Variants in TNNT1 observed in about 807,000 individuals in gnomAD.
TNNT1 encodes the protein troponin T1, slow skeletal type, also known as troponin T, slow skeletal muscle.
TNNT1 carries 53 observed loss-of-function variants against 50.6 expected under a neutral mutation model. The observed-to-expected ratio is 1.05, with a 90% CI of 0.84 to 1.32. The LOEUF (loss-of-function observed/expected upper bound fraction) is 1.32. Among genes scored for constraint, TNNT1 ranks in the 40% most tolerant of loss-of-function variants. The pLI, the probability that TNNT1 is intolerant of heterozygous loss-of-function variation, is 0.00. For synonymous variants in TNNT1, 142 were observed against 138.0 expected (o/e 1.03, Z -0.20); for missense variants, 348 against 381.7 (o/e 0.91, Z 0.74).
At chr19:55,147,097 GC>G (rs1240450202) in intron 2 of TNNT1, 28 bp downstream of exon 2, 2 of 1,613,628 alleles carry the variant, frequency 1.2e-6, no homozygotes, top group Non-Finnish European at 8.5e-7. Context: ...ACCACTGCAC[GC>G]CCCAACCCCT....
Position 55,132,904 on chromosome 19 carries a change from G to T in TNNT1, c.*11C>A. ...CAGGCTTCCCAGGTGCCACTGTCCG[G>T]GGCGGCATCCTCACTTCCAGCGGCC... is the stretch of plus-strand genomic sequence containing the variant. On this transcript the variant is annotated 3_prime_UTR_variant, in exon 14 of 14. Coordinates refer to ENST00000588981, the MANE Select transcript of TNNT1 (RefSeq NM_003283.6). 1 of 1,599,484 alleles carries T rather than the reference G, an allele frequency of 6.3e-7. No individual in the cohort carries two copies. The highest frequency in any genetic ancestry group is 2.3e-5 in the East Asian group (1 of 44,444).
At chr19:55,134,239 AGAGGTTGTGG>A (rs1234607425) in intron 11 of TNNT1, 35 bp from the exon 12 acceptor site, 11 of 1,549,896 alleles carry the variant, frequency 7.1e-6, no homozygotes, top group Non-Finnish European at 9.6e-6. Flanking sequence ...TTGGGCCCAG[AGAGGTTGTGG>A]GAACCACCCA....
chr19:55,148,619 C>G (rs2085623906), intron 1 of TNNT1, among the ~76,000 whole-genome samples: 1 of 152,090 alleles, frequency 6.6e-6, no homozygotes, highest in Non-Finnish European at 1.5e-5. Flanking sequence ...CTCCTAAAAT[C>G]TGAAACCTCA....
In TNNT1 at chr19:55,146,696, C is replaced by T; in HGVS notation, c.58G>A (p.Glu20Lys). 6.7e-7 allele frequency: 1 copy of T among 1,502,044 alleles called. No homozygotes were observed. The highest frequency in any genetic ancestry group is 8.9e-7 in the Non-Finnish European group (1 of 1,123,056). 93.0% of individuals were successfully genotyped at this position (1,502,044 alleles called of 1,614,324 possible). A position where few individuals can be genotyped will look rare whatever the true frequency, so the allele number is the denominator to read the frequency against. ...EEEQPEEEAA[E>K]EEEEAPEEPE... ...GGGACCTCACCTTCCTCCTCCTCCT[C>T]CGCAGCCTCCTCTGGAGATGGGGGC... Residue 20 changes from glutamate (E) to lysine (K), a missense_variant, in exon 4 of 14, where the codon GAG becomes AAG. By Grantham distance (56) the Glu-to-Lys change is moderately conservative (BLOSUM62 1). Coordinates refer to ENST00000588981, the MANE Select transcript of TNNT1 (RefSeq NM_003283.6).
intron 6 of TNNT1, among the ~76,000 whole-genome samples, chr19:55,144,624 G>C (rs1181411829): frequency 1.3e-5 from 2 of 152,182 alleles, no homozygotes; most frequent in African/African-American, 4.8e-5. Context: ...ATCCTCAAGT[G>C]ATCCTCCCAC....
intron 6 of TNNT1, among the ~76,000 whole-genome samples, chr19:55,144,388 TTA>T (rs1370740988): frequency 6.6e-6 from 1 of 151,764 alleles, no homozygotes; most frequent in Non-Finnish European, 1.5e-5. Flanking sequence ...TTATTTTTAT[TTA>T]TGTTTTAGAG....
At chr19:55,142,267 C>T (rs1264379306) in intron 6 of TNNT1, among the ~76,000 whole-genome samples, 5 of 150,984 alleles carry the variant, frequency 3.3e-5, no homozygotes, top group Non-Finnish European at 7.4e-5. Flanking sequence ...ACTACAGGCG[C>T]CCACCACCAA....
At chr19:55,135,443 C>T in intron 11 of TNNT1, 1 of 270,174 alleles carries the variant, frequency 3.7e-6, no homozygotes. Flanking sequence ...CTCACTTTGT[C>T]ACCCAGGCTG....
At chr19:55,140,652 C>G in intron 9 of TNNT1, 1 of 216,134 alleles carries the variant, frequency 4.6e-6, no homozygotes, top group Non-Finnish European at 9.2e-6. Context: ...TGGTGCGCAC[C>G]TGTAGTCCCA....
Position 55,134,058 on chromosome 19 carries a change from G to A in TNNT1, c.750+8C>T. On this transcript the variant is annotated splice_region_variant and intron_variant, in intron 12 of 13. Coordinates refer to ENST00000588981, the MANE Select transcript of TNNT1 (RefSeq NM_003283.6). ...CTCTCCCTCCCTCCCTGCGGAGCTG[G>A]GTCTCACCTCATATTTCTGCTGTTT... 1 of 1,612,960 alleles carries A rather than the reference G, an allele frequency of 6.2e-7. No individual in the cohort carries two copies. Among genetic ancestry groups the A allele is most frequent in the Non-Finnish European group, 8.5e-7 (1 of 1,179,850 alleles).
At position 55,147,114 on chromosome 19, in the gene TNNT1, T is replaced by A; in HGVS notation, c.32+12A>T. The A allele has an allele frequency of 1.2e-6, 2 of 1,613,802 alleles. No individual in the cohort carries two copies. Among genetic ancestry groups the A allele is most frequent in the Non-Finnish European group, 8.5e-7 (1 of 1,179,902 alleles). On this transcript the variant is annotated intron_variant, in intron 2 of 13. Transcript: ENST00000588981. ...CACTGCACGCCCCAACCCCTCCCAG[T>A]GCAGCACTCACTCCTCATATTCCTG...
intron 5 of TNNT1, among the ~76,000 whole-genome samples, chr19:55,146,079 T>G: frequency 6.7e-6 from 1 of 150,172 alleles, no homozygotes; most frequent in Non-Finnish European, 1.5e-5. Context: ...AACCTTTGAA[T>G]GTATATGGGG....
intron 12 of TNNT1, 33 bp from the exon 13 acceptor site, chr19:55,133,960 CGGTGGGG>C (rs751219539): frequency 6.2e-7 from 1 of 1,607,898 alleles, no homozygotes; most frequent in African/African-American, 1.4e-5. Flanking sequence ...CTGGGACAGC[CGGTGGGG>C]ACGTGGGGAC....
chr19:55,134,326 G>A (rs1346349117), intron 11 of TNNT1, 122 bp from the exon 12 acceptor site: 4 of 1,031,526 alleles, frequency 3.9e-6, no homozygotes, highest in Non-Finnish European at 4.3e-6. Context: ...GAGGCCGAGA[G>A]TTTTAAAATC....
chr19:55,136,637 G>GA (rs1232401289), intron 11 of TNNT1, among the ~76,000 whole-genome samples: 6 of 152,192 alleles, frequency 3.9e-5, no homozygotes, highest in African/African-American at 1.4e-4. Flanking sequence ...AGAGAACATG[G>GA]AGAAACAGGC....
intron 10 of TNNT1, 41 bp from the exon 11 acceptor site, chr19:55,137,253 T>C: frequency 7.0e-7 from 1 of 1,425,626 alleles, no homozygotes; most frequent in South Asian, 1.1e-5. Flanking sequence ...GGGGGCCACA[T>C]CCCACAGAGC....
Position 55,145,602 on chromosome 19 carries a change from A to T in TNNT1, c.107-37T>A, listed in dbSNP as rs1219542998. On this transcript the variant is annotated intron_variant, in intron 5 of 13. Coordinates refer to ENST00000588981, the MANE Select transcript of TNNT1 (RefSeq NM_003283.6). ...GGGGGATAAAAAGAGATAATTAGCA[A>T]GAGTTTAGAGGAGAGGGGCTAGGCC... The T allele has an allele frequency of 2.5e-6, 4 of 1,612,658 alleles. No individual in the cohort carries two copies. The African/African-American group carries it at 5.4e-5, about 22-fold the overall frequency.
chr19:55,133,782 G>A (rs1200568384), intron 13 of TNNT1, 105 bp downstream of exon 13: 2 of 1,329,716 alleles, frequency 1.5e-6, no homozygotes, highest in Non-Finnish European at 1.1e-6. Context: ...GAAAGGGGCA[G>A]AAACTCAGGC....
chr19:55,141,150 G>T, intron 8 of TNNT1, 36 bp downstream of exon 8: 1 of 1,569,706 alleles, frequency 6.4e-7, no homozygotes, highest in Non-Finnish European at 8.8e-7. Flanking sequence ...CACATGGAGG[G>T]AGGAAGACCG....
Sources: gnomAD v4.1 joint callset for allele counts (sites outside exome capture counted in the v4.1 genomes callset) on GRCh38, gnomAD v4.1.1 for gene constraint, MANE v1.5 for transcripts, NCBI Gene and HGNC (gene_info 2026-07-23, HGNC 2026-07-21) for gene names.